GAS7: variants seen among roughly 807,000 people sequenced by gnomAD.
GAS7 encodes the protein growth arrest specific 7, also known as growth arrest-specific protein 7.
GAS7 carries 28 observed loss-of-function variants against 71.1 expected under a neutral mutation model. That is an observed-to-expected ratio of 0.39 (90% CI 0.29 to 0.54). The LOEUF is 0.54. Among genes scored for constraint, GAS7 ranks in the 20% least tolerant of loss-of-function variants. The pLI, the probability that GAS7 is intolerant of heterozygous loss-of-function variation, is 0.62. For synonymous variants in GAS7, 258 were observed against 245.8 expected, an observed-to-expected ratio of 1.05 and a Z score of -0.46; for missense variants, 436 against 627.8, an observed-to-expected ratio of 0.69 and a Z score of 3.27.
At chr17:10,072,683 C>G (rs1328652629) in intron 1 of GAS7, among the ~76,000 whole-genome samples, 1 of 152,160 alleles carries the variant, frequency 6.6e-6, no homozygotes, top group African/African-American at 2.4e-5. Flanking sequence ...ACAACCCTAC[C>G]CCGATCCACA....
At chr17:10,154,466 T>C (rs1373682266) in intron 1 of GAS7, among the ~76,000 whole-genome samples, 1 of 151,616 alleles carries the variant, frequency 6.6e-6, no homozygotes, top group Non-Finnish European at 1.5e-5. Flanking sequence ...ATCATGCCAC[T>C]GCACTCCAGC....
intron 1 of GAS7, among the ~76,000 whole-genome samples, chr17:10,135,281 G>A (rs547638916): frequency 5.4e-4 from 82 of 152,284 alleles, no homozygotes; most frequent in African/African-American, 1.7e-3. Context: ...ATGACCTGGC[G>A]CAGTGGTGGG....
Position 10,103,655 on chromosome 17 carries a change from G to C in GAS7, c.184-83758C>G, listed in dbSNP as rs933741241. 3.9e-5 allele frequency among the ~76,000 whole-genome samples: 6 copies of C among 152,020 alleles called. No individual in the cohort carries two copies. In the South Asian group the frequency reaches 1.2e-3, roughly 32 times the overall value. On this transcript the variant is annotated intron_variant, in intron 1 of 13. Coordinates refer to ENST00000432992, the MANE Select transcript of GAS7 (RefSeq NM_201433.2). This position sits in a 1 kb window ranked among gnomAD's most constrained non-coding sequence, Gnocchi z 5.5. ...AGCCTGGCCAACATGGAGAAACCCC[G>C]TCTCTACCAAAAATACAAAAATTAG... is the stretch of plus-strand genomic sequence containing the variant.
In GAS7 at chr17:9,925,722, T is replaced by C. The variant is rs572980208; in HGVS notation, c.1015-123A>G. The C allele has an allele frequency of 1.1e-5, 12 of 1,056,150 alleles. No individual in the cohort carries two copies. The Admixed American group carries it at 2.4e-4, about 21-fold the overall frequency. 65.4% of individuals were successfully genotyped at this position (1,056,150 alleles called of 1,614,324 possible). On this transcript the variant is annotated intron_variant, in intron 10 of 13. Transcript: ENST00000432992. ...CTTGTTTGTGTGGATGATGCCACAG[T>C]GGTCCAGAGAGGCCCAGCAGCCAGA...
intron 5 of GAS7, among the ~76,000 whole-genome samples, chr17:9,954,479 TGG>T (rs1567817603): frequency 0.069 from 1,244 of 18,112 alleles, 24 homozygotes; most frequent in African/African-American, 0.18. Flanking sequence ...GGATGGGGGG[TGG>T]GGGGTGGGGG....
intron 3 of GAS7, among the ~76,000 whole-genome samples, chr17:9,980,258 G>A (rs1758723322): frequency 6.6e-6 from 1 of 152,100 alleles, no homozygotes; most frequent in Admixed American, 6.5e-5. Context: ...CTTTGAATGT[G>A]CACTTTCATG....
intron 5 of GAS7, among the ~76,000 whole-genome samples, chr17:9,956,350 A>G (rs567643038): frequency 1.3e-5 from 2 of 152,228 alleles, no homozygotes; most frequent in East Asian, 3.9e-4. Context: ...CAGGACCCCA[A>G]GGGTTCACCT....
intron 4 of GAS7, among the ~76,000 whole-genome samples, chr17:9,966,029 C>T (rs1324957296): frequency 1.5e-5 from 2 of 135,730 alleles, no homozygotes; most frequent in African/African-American, 2.8e-5. Context: ...GATGGAGTCT[C>T]GCTCTGTCGC....
At chr17:10,098,468 G>A (rs2073666651) in intron 1 of GAS7, among the ~76,000 whole-genome samples, 1 of 152,218 alleles carries the variant, frequency 6.6e-6, no homozygotes, top group Admixed American at 6.5e-5. Flanking sequence ...GTGATGAGGT[G>A]GTTCAGGCTC....
chr17:10,164,080 C>T (rs1202000314), intron 1 of GAS7, among the ~76,000 whole-genome samples: 3 of 152,106 alleles, frequency 2.0e-5, no homozygotes, highest in Non-Finnish European at 4.4e-5. Context: ...CCTGGTCTGA[C>T]GTCATCAGTC....
At chr17:9,947,574 G>T (rs149906463) in intron 5 of GAS7, among the ~76,000 whole-genome samples, 3 of 151,942 alleles carry the variant, frequency 2.0e-5, no homozygotes, top group African/African-American at 4.8e-5. Context: ...GAGAAACCCC[G>T]TCTCTACTAA....
chr17:10,009,815 AT>A (rs1248894012), intron 2 of GAS7, among the ~76,000 whole-genome samples: 2 of 149,568 alleles, frequency 1.3e-5, no homozygotes, highest in African/African-American at 2.4e-5. Flanking sequence ...AACTAAAAAA[AT>A]AAAATAAAAT....
Position 9,914,930 on chromosome 17 carries a change from C to T in GAS7, c.*2298G>A, listed in dbSNP as rs550148715. On this transcript the variant is annotated 3_prime_UTR_variant, in exon 14 of 14. Coordinates refer to ENST00000432992, the MANE Select transcript of GAS7 (RefSeq NM_201433.2). ...ATGTATCAATGCCAAGGTTGCTGACCGGTAAGACCCCTGAAAACGAGCGAT... is the reference window on the plus strand; with the variant it reads ...ATGTATCAATGCCAAGGTTGCTGACTGGTAAGACCCCTGAAAACGAGCGAT... 9 of 232,272 alleles carry T rather than the reference C, an allele frequency of 3.9e-5. No individual in the cohort carries two copies. The highest frequency in any genetic ancestry group is 1.2e-4 in the East Asian group (2 of 16,492). 14.4% of individuals were successfully genotyped at this position (232,272 alleles called of 1,614,324 possible).
intron 1 of GAS7, among the ~76,000 whole-genome samples, chr17:10,148,593 G>C (rs1336941643): frequency 1.3e-5 from 2 of 148,856 alleles, no homozygotes; most frequent in African/African-American, 5.0e-5. Context: ...ACTCCAGCCT[G>C]GGCAACAGAG....
Position 9,981,886 on chromosome 17 carries a change from T to C in GAS7, c.305-2A>G, listed in dbSNP as rs753091239. 6.4e-7 allele frequency: 1 copy of C among 1,560,864 alleles called. No individual in the cohort carries two copies. The highest frequency in any genetic ancestry group is 8.8e-7 in the Non-Finnish European group (1 of 1,131,624). ...TGCTGGGACGTTCCCAGGTGGTCTC[T>C]GGTGAAAGAAGAGCAAAGAAAATCA... On this transcript the variant is annotated splice_acceptor_variant, in intron 2 of 13. Coordinates refer to ENST00000432992, the MANE Select transcript of GAS7 (RefSeq NM_201433.2). LOFTEE classifies it high-confidence loss of function. This position sits in a 1 kb window ranked among gnomAD's most constrained non-coding sequence, Gnocchi z 4.4.
At chr17:9,999,769 C>T (rs895982174) in intron 2 of GAS7, among the ~76,000 whole-genome samples, 1 of 151,680 alleles carries the variant, frequency 6.6e-6, no homozygotes, top group African/African-American at 2.4e-5. Context: ...AAATTCTGGG[C>T]AAAAAAAGCT....
chr17:9,943,245 G>C lies in GAS7; in HGVS notation c.616-9C>G. 1 of 1,496,800 alleles carries C rather than the reference G, an allele frequency of 6.7e-7. No homozygotes were observed. Among genetic ancestry groups the C allele is most frequent in the South Asian group, 1.1e-5 (1 of 88,850 alleles). 92.7% of individuals were successfully genotyped at this position (1,496,800 alleles called of 1,614,324 possible). A position where few individuals can be genotyped will look rare whatever the true frequency, so the allele number is the denominator to read the frequency against. On this transcript the variant is annotated splice_polypyrimidine_tract_variant and intron_variant, in intron 6 of 13. Coordinates refer to ENST00000432992, the MANE Select transcript of GAS7 (RefSeq NM_201433.2). ...GGGTCCTTCTTATCAGCCTACAAAG[G>C]AAGCAGAAGCACAAGAGTTTAGGGC...
chr17:9,946,257 G>A (rs771153477), intron 6 of GAS7, among the ~76,000 whole-genome samples: 8 of 151,942 alleles, frequency 5.3e-5, no homozygotes, highest in Non-Finnish European at 1.0e-4. Flanking sequence ...TATTTGAATG[G>A]TGAAAAAAAT....
At chr17:9,929,862 CA>C (rs1163347621) in intron 9 of GAS7, among the ~76,000 whole-genome samples, 1 of 152,072 alleles carries the variant, frequency 6.6e-6, no homozygotes, top group East Asian at 1.9e-4. Flanking sequence ...AACTTTTAAG[CA>C]TCTCTGTTGA....
Sources: gnomAD v4.1 joint callset for allele counts (sites outside exome capture counted in the v4.1 genomes callset) on GRCh38, gnomAD v4.1.1 for gene constraint, Gnocchi (gnomAD v3.1) non-coding constraint, MANE v1.5 for transcripts, NCBI Gene and HGNC (gene_info 2026-07-23, HGNC 2026-07-21) for gene names.